The following CAPN2 variants were observed in gnomAD, a reference collection of about 807,000 sequenced individuals.
The protein encoded by CAPN2 is calpain-2 catalytic subunit.
A neutral mutation model predicts 102.3 loss-of-function variants in CAPN2; 92 were observed. The observed-to-expected ratio is 0.90, with a 90% confidence interval of 0.76 to 1.07. CAPN2 has a LOEUF of 1.07. Among genes scored for constraint, CAPN2 ranks in the 50% least tolerant of loss-of-function variants. The pLI is 0.00. For synonymous variants in CAPN2, 340 were observed against 355.4 expected, an observed-to-expected ratio of 0.96 and a Z score of 0.49; for missense variants, 800 against 909.4, an observed-to-expected ratio of 0.88 and a Z score of 1.55.
In CAPN2 at chr1:223,725,592, A is replaced by G. The variant is rs1178703388; in HGVS notation, c.307+7761A>G. The stretch of plus-strand genomic sequence containing the variant: ...GGAGACACATTGTGGCACATCTTGA[A>G]TACCCGACTGGGTCCCAGCTTTAGC... On this transcript the variant is annotated intron_variant, in intron 2 of 20. Transcript: ENST00000295006. The surrounding 1 kb of genome is among the most constrained non-coding windows in gnomAD (Gnocchi z 4.1). Among the ~76,000 whole-genome samples, 1 of 152,152 alleles carries G rather than the reference A, an allele frequency of 6.6e-6. No homozygotes were observed.
chr1:223,770,332 C>A, intron 17 of CAPN2, 115 bp from the exon 18 acceptor site: 1 of 669,800 alleles, frequency 1.5e-6, no homozygotes, highest in Non-Finnish European at 2.7e-6. Context: ...TCTTCCACGG[C>A]CAAACTAGAG....
In CAPN2 at chr1:223,756,307, C is replaced by T. The variant is rs555631146; in HGVS notation, c.1305+658C>T. On this transcript the variant is annotated intron_variant, in intron 10 of 20. Coordinates refer to ENST00000295006, the MANE Select transcript of CAPN2 (RefSeq NM_001748.5). The surrounding 1 kb of genome is among the most constrained non-coding windows in gnomAD (Gnocchi z 4.1). Reference sequence around the variant, plus strand: ...GCTCTCCCCACTCCCTTCTGCAAAACAAGAAAGAGCTTTCGTGGGCTGCAG... The same window carrying T: ...GCTCTCCCCACTCCCTTCTGCAAAATAAGAAAGAGCTTTCGTGGGCTGCAG... Among the ~76,000 whole-genome samples, 36 of 152,310 alleles carry T rather than the reference C, an allele frequency of 2.4e-4. No homozygotes were observed. The highest frequency in any genetic ancestry group is 4.1e-4 in the Non-Finnish European group (28 of 68,026).
intron 2 of CAPN2, among the ~76,000 whole-genome samples, chr1:223,732,362 A>G (rs1660359060): frequency 6.6e-6 from 1 of 152,212 alleles, no homozygotes; most frequent in Non-Finnish European, 1.5e-5. Context: ...GCCCATTTTT[A>G]TGGTTATTTC....
chr1:223,771,684 G>A (rs1294162527), intron 18 of CAPN2, 125 bp from the exon 19 acceptor site: 1 of 707,794 alleles, frequency 1.4e-6, no homozygotes, highest in African/African-American at 1.8e-5. Flanking sequence ...TCACAGAAGA[G>A]CAGCCAAGGG....
chr1:223,705,592 A>T (rs1659585679), intron 1 of CAPN2, among the ~76,000 whole-genome samples: 1 of 152,150 alleles, frequency 6.6e-6, no homozygotes, highest in South Asian at 2.1e-4. Context: ...TGGCTTAGAG[A>T]CATATTTATT....
rs1033309781 is a variant in CAPN2, at chr1:223,754,078, A to G, written c.1135+1122A>G. Among the ~76,000 whole-genome samples, 24 of 152,340 alleles carry G rather than the reference A, an allele frequency of 1.6e-4. No homozygotes were observed. The highest frequency in any genetic ancestry group is 5.5e-4 in the African/African-American group (23 of 41,578). Reference sequence around the variant, plus strand: ...CTTGGAGAGGCTAGTGACTTGCTGAAGGCCACAGAGCGTGCTGGGATTTGA... The same window carrying G: ...CTTGGAGAGGCTAGTGACTTGCTGAGGGCCACAGAGCGTGCTGGGATTTGA... On this transcript the variant is annotated intron_variant, in intron 9 of 20. Coordinates refer to ENST00000295006, the MANE Select transcript of CAPN2 (RefSeq NM_001748.5). The surrounding 1 kb of genome is among the most constrained non-coding windows in gnomAD (Gnocchi z 4.7).
At chr1:223,746,859 C>G in intron 4 of CAPN2, 138 bp from the exon 5 acceptor site, 1 of 628,846 alleles carries the variant, frequency 1.6e-6, no homozygotes, top group Non-Finnish European at 2.6e-6. Flanking sequence ...GCACCCCGAG[C>G]TGGGAACAAG....
At chr1:223,739,243 G>A (rs1199626025) in intron 2 of CAPN2, among the ~76,000 whole-genome samples, 4 of 150,194 alleles carry the variant, frequency 2.7e-5, no homozygotes, top group South Asian at 2.1e-4. Context: ...GAATGCAGTG[G>A]TGCAATCTGG....
intron 1 of CAPN2, among the ~76,000 whole-genome samples, chr1:223,702,144 G>C (rs1358075093): frequency 9.9e-6 from 1 of 100,582 alleles, no homozygotes; most frequent in Non-Finnish European, 1.9e-5. Flanking sequence ...GAAAGAAGGA[G>C]GCTGGGCGCC....
intron 17 of CAPN2, 197 bp downstream of exon 17, chr1:223,770,106 T>C (rs1211330026): frequency 1.6e-6 from 1 of 606,870 alleles, no homozygotes; most frequent in Non-Finnish European, 2.9e-6. Context: ...GCAGGTGAAA[T>C]GGCCTATTCC....
Position 223,731,820 on chromosome 1 carries a change from C to T in CAPN2, c.308-12280C>T, listed in dbSNP as rs186411471. Among the ~76,000 whole-genome samples the T allele has an allele frequency of 1.7e-4, 26 of 152,308 alleles. No individual in the cohort carries two copies. The highest frequency in any genetic ancestry group is 1.7e-3 in the South Asian group (8 of 4,828). On this transcript the variant is annotated intron_variant, in intron 2 of 20. Coordinates refer to ENST00000295006, the MANE Select transcript of CAPN2 (RefSeq NM_001748.5). The surrounding 1 kb of genome is among the most constrained non-coding windows in gnomAD (Gnocchi z 4.2). ...AGGCATCTGGGAGTCTGGGCTGCCC[C>T]GTAGCAGCTCTGTGTTCTGCCTGCT...
At chr1:223,732,935 T>G (rs1030316207) in intron 2 of CAPN2, among the ~76,000 whole-genome samples, 5 of 152,302 alleles carry the variant, frequency 3.3e-5, no homozygotes, top group Admixed American at 2.6e-4. Flanking sequence ...GGGGCCAGCT[T>G]GTTTCTTTAA....
At chr1:223,717,720 C>G (rs775056811) in intron 1 of CAPN2, 42 bp from the exon 2 acceptor site, 1 of 1,546,522 alleles carries the variant, frequency 6.5e-7, no homozygotes, top group South Asian at 1.1e-5. Context: ...GCAGAAGCAC[C>G]TGGCTGGTAG....
intron 2 of CAPN2, among the ~76,000 whole-genome samples, chr1:223,734,122 C>T (rs73123604): frequency 0.021 from 3,217 of 152,216 alleles, 113 homozygotes; most frequent in African/African-American, 0.073. Flanking sequence ...TTCTCAGCCC[C>T]GGGATCCAGC....
chr1:223,774,448 T>TAA (rs1661560719), intron 20 of CAPN2, among the ~76,000 whole-genome samples: 1 of 152,218 alleles, frequency 6.6e-6, no homozygotes, highest in South Asian at 2.1e-4. Flanking sequence ...CAATCTGATT[T>TAA]AAAGTTTCCG....
At chr1:223,720,134 A>G (rs922859871) in intron 2 of CAPN2, among the ~76,000 whole-genome samples, 1 of 151,676 alleles carries the variant, frequency 6.6e-6, no homozygotes, top group African/African-American at 2.4e-5. Flanking sequence ...TCCATCTGGA[A>G]CCTCCGTCTC....
At chr1:223,746,901 A>G in intron 4 of CAPN2, 96 bp from the exon 5 acceptor site, 1 of 1,064,686 alleles carries the variant, frequency 9.4e-7, no homozygotes, top group Non-Finnish European at 1.3e-6. Context: ...GGGTCCCTGG[A>G]GCATCAAATC....
intron 2 of CAPN2, among the ~76,000 whole-genome samples, chr1:223,724,827 G>C (rs1024064206): frequency 6.6e-6 from 1 of 152,154 alleles, no homozygotes; most frequent in Non-Finnish European, 1.5e-5. Context: ...TTTTTAATTA[G>C]CTGGGCATGG....
chr1:223,761,515 C>T, intron 12 of CAPN2, 66 bp from the exon 13 acceptor site: 1 of 1,361,288 alleles, frequency 7.3e-7, no homozygotes. Flanking sequence ...TCCATTTTAG[C>T]AGTGATTTCC....
Sources: gnomAD v4.1 joint callset for allele counts (sites outside exome capture counted in the v4.1 genomes callset) on GRCh38, gnomAD v4.1.1 for gene constraint, Gnocchi (gnomAD v3.1) non-coding constraint, MANE v1.5 for transcripts, NCBI Gene and HGNC (gene_info 2026-07-23, HGNC 2026-07-21) for gene names.